The following CDK14 variants were observed in gnomAD, a reference collection of about 807,000 sequenced individuals.
CDK14 encodes the protein cyclin-dependent kinase 14.
CDK14 carries 34 observed loss-of-function variants against 60.7 expected under a neutral mutation model. The observed-to-expected ratio is 0.56, with a 90% CI of 0.43 to 0.75. The LOEUF is 0.75. Ranked by LOEUF, CDK14 falls within the 30% of genes least tolerant of loss-of-function variation. The pLI, the probability that CDK14 is intolerant of heterozygous loss-of-function variation, is 0.00. For missense variants in CDK14, 482 were observed against 564.1 expected (o/e 0.85, Z 1.47); for synonymous variants, 197 against 203.7 (o/e 0.97, Z 0.28).
chr7:90,847,950 T>C (rs907990617), intron 5 of CDK14, among the ~76,000 whole-genome samples: 1 of 152,158 alleles, frequency 6.6e-6, no homozygotes, highest in Non-Finnish European at 1.5e-5. Flanking sequence ...AGTGTCCAAG[T>C]GTATTTATTT....
At position 91,084,276 on chromosome 7, in the gene CDK14, G is replaced by C. The variant is rs12538484; in HGVS notation, c.1154+4796G>C. ...GCCATGGGTGGGGATATCTCTTCTG[G>C]GACCTGATGTCATTCCCCATCTAGA... On this transcript the variant is annotated intron_variant, in intron 12 of 14. Coordinates refer to ENST00000380050, the MANE Select transcript of CDK14 (RefSeq NM_001287135.2). Among the ~76,000 whole-genome samples, 186 of 152,224 alleles carry C rather than the reference G, an allele frequency of 1.2e-3. 1 individual carries two copies. Among genetic ancestry groups the C allele is most frequent in the East Asian group, 4.2e-3 (22 of 5,186 alleles).
chr7:91,185,364 C>G (rs550737478), intron 14 of CDK14, among the ~76,000 whole-genome samples: 1 of 145,844 alleles, frequency 6.9e-6, no homozygotes, highest in South Asian at 2.2e-4. Flanking sequence ...ATTTTTAAAA[C>G]TTTGTTTAAA....
At chr7:90,977,421 G>A (rs888292435) in intron 9 of CDK14, among the ~76,000 whole-genome samples, 16 of 151,942 alleles carry the variant, frequency 1.1e-4, no homozygotes, top group Non-Finnish European at 1.0e-4. Flanking sequence ...AGCTACATGC[G>A]GGGAAAGAGG....
intron 14 of CDK14, among the ~76,000 whole-genome samples, chr7:91,191,698 G>A (rs919794754): frequency 1.3e-5 from 2 of 152,030 alleles, no homozygotes; most frequent in Non-Finnish European, 2.9e-5. Context: ...GAAATGTGAA[G>A]CTTCAAGAAG....
intron 12 of CDK14, chr7:91,107,481 T>C (rs1406908106): frequency 6.6e-6 from 1 of 152,180 alleles, no homozygotes; most frequent in Non-Finnish European, 1.5e-5. Flanking sequence ...GCATCCAGGT[T>C]CTGAATAATG....
At chr7:90,669,464 C>T (rs1256414593) in intron 2 of CDK14, among the ~76,000 whole-genome samples, 5 of 152,138 alleles carry the variant, frequency 3.3e-5, no homozygotes, top group Admixed American at 2.6e-4. Flanking sequence ...GAGATGTACA[C>T]AGACCCAAAA....
chr7:90,760,557 C>T (rs1466244341), intron 4 of CDK14, among the ~76,000 whole-genome samples: 4 of 152,104 alleles, frequency 2.6e-5, no homozygotes, highest in Non-Finnish European at 5.9e-5. Flanking sequence ...TAGGATGCTC[C>T]CGAGGCCCAT....
intron 3 of CDK14, among the ~76,000 whole-genome samples, chr7:90,729,850 G>A (rs138142897): frequency 9.5e-4 from 144 of 151,770 alleles, no homozygotes; most frequent in African/African-American, 3.2e-3. Context: ...CTTTCTGTTT[G>A]CTGCCCTTTT....
intron 10 of CDK14, among the ~76,000 whole-genome samples, chr7:91,011,196 C>G (rs1397471046): frequency 1.3e-5 from 2 of 151,938 alleles, no homozygotes; most frequent in African/African-American, 4.8e-5. Flanking sequence ...CAAAAAGCTG[C>G]TGTTTTCCTT....
intron 2 of CDK14, among the ~76,000 whole-genome samples, chr7:90,679,032 C>T (rs1801260427): frequency 6.6e-6 from 1 of 152,148 alleles, no homozygotes; most frequent in African/African-American, 2.4e-5. Flanking sequence ...TCACTTCAGC[C>T]TCAGTCTCCC....
At chr7:90,898,133 C>G (rs1792393508) in intron 6 of CDK14, among the ~76,000 whole-genome samples, 1 of 152,088 alleles carries the variant, frequency 6.6e-6, no homozygotes, top group Non-Finnish European at 1.5e-5. Flanking sequence ...TGGGTTTCCC[C>G]TGCTGTGCCC....
At chr7:90,870,550 G>A (rs577313509) in intron 6 of CDK14, among the ~76,000 whole-genome samples, 7 of 152,166 alleles carry the variant, frequency 4.6e-5, no homozygotes, top group South Asian at 2.1e-4. Context: ...GAATACATTC[G>A]GATACAGGGC....
chr7:90,693,789 A>C (rs1407483493), intron 2 of CDK14, among the ~76,000 whole-genome samples: 1 of 152,182 alleles, frequency 6.6e-6, no homozygotes, highest in Non-Finnish European at 1.5e-5. Flanking sequence ...TCCTGTTTCT[A>C]GATCCTCTCT....
intron 2 of CDK14, among the ~76,000 whole-genome samples, chr7:90,671,563 GCTTGT>G (rs968045529): frequency 6.6e-6 from 1 of 152,088 alleles, no homozygotes; most frequent in Non-Finnish European, 1.5e-5. Context: ...AGTCGAGATG[GCTTGT>G]CTTGATGTTT....
chr7:90,795,141 A>G (rs2116982471), intron 5 of CDK14, among the ~76,000 whole-genome samples: 1 of 152,334 alleles, frequency 6.6e-6, no homozygotes, highest in Admixed American at 6.5e-5. Context: ...CACAGATTTA[A>G]TATATACCAA....
intron 1 of CDK14, among the ~76,000 whole-genome samples, chr7:90,603,211 C>T (rs1279800872): frequency 1.3e-5 from 2 of 152,122 alleles, no homozygotes; most frequent in Non-Finnish European, 2.9e-5. Context: ...ATGAAACATT[C>T]TAAGTAATTG....
At chr7:90,744,841 C>G (rs1454959102) in intron 3 of CDK14, among the ~76,000 whole-genome samples, 9 of 126,938 alleles carry the variant, frequency 7.1e-5, no homozygotes, top group African/African-American at 1.8e-4. Context: ...CCCTCCCGGA[C>G]GGGGGCTGAC....
intron 12 of CDK14, 130 bp downstream of exon 12, chr7:91,079,610 C>G (rs1434647004): frequency 2.7e-6 from 2 of 733,756 alleles, no homozygotes; most frequent in African/African-American, 3.6e-5. Flanking sequence ...AACCATTAAA[C>G]TGCTGTTAAA....
intron 8 of CDK14, among the ~76,000 whole-genome samples, chr7:90,935,421 A>T (rs1333556621): frequency 6.6e-6 from 1 of 152,236 alleles, no homozygotes. Flanking sequence ...TTTAAAAGTA[A>T]ATTCAAGGCA....
Sources: allele counts gnomAD v4.1 joint callset (sites outside exome capture counted in the v4.1 genomes callset), GRCh38; gene constraint gnomAD v4.1.1; transcripts MANE v1.5; gene names NCBI Gene and HGNC (gene_info 2026-07-23, HGNC 2026-07-21).